FUT1: variants seen among roughly 807,000 people sequenced by gnomAD.
FUT1 encodes the protein galactoside alpha-(1,2)-fucosyltransferase 1.
For missense variants in FUT1, 476 were observed against 492.7 expected (o/e 0.97, Z 0.32); for synonymous variants, 215 against 208.7 (o/e 1.03, Z -0.26).
rs569237891 is a variant in FUT1 at position 48,748,776 on chromosome 19, G to A, written c.*1408C>T. 1.3e-5 allele frequency: 2 copies of A among 152,366 alleles called. No homozygotes were observed. Among genetic ancestry groups the A allele is most frequent in the South Asian group, 4.1e-4 (2 of 4,834 alleles). The allele number at this position is 152,366 out of a possible 1,614,324, so 9.4% of individuals were successfully genotyped here. On this transcript the variant is annotated 3_prime_UTR_variant, in exon 2 of 2. Coordinates refer to ENST00000645652, the MANE Select transcript of FUT1 (RefSeq NM_001384359.1). ...AACAGAGCAAGACGCTGGCCAACTA[G>A]AGATGGTTTGTTTTCCATCTCAATT...
rs2033947974 is a variant in FUT1, at chr19:48,748,898, A to AC, written c.*1285dup. The AC allele has an allele frequency of 6.6e-6, 1 of 152,642 alleles. No homozygotes were observed. Among genetic ancestry groups the AC allele is most frequent in the South Asian group, 1.9e-4 (1 of 5,286 alleles). The allele number at this position is 152,642 out of a possible 1,614,324, so 9.5% of individuals were successfully genotyped here. A position where few individuals can be genotyped will look rare whatever the true frequency, so the allele number is the denominator to read the frequency against. ...CCGGTGTGCTGGCTCACATCTATAA[A>AC]CCCAGCATTCTGGGAGGCCAAGGTG... On this transcript the variant is annotated 3_prime_UTR_variant, in exon 2 of 2. Coordinates refer to ENST00000645652, the MANE Select transcript of FUT1 (RefSeq NM_001384359.1).
chr19:48,754,787 C>T (rs2122568134), upstream of FUT1, among the ~76,000 whole-genome samples: 1 of 152,270 alleles, frequency 6.6e-6, no homozygotes. Flanking sequence ...TCCCCACAGA[C>T]TGACCCTCCC....
chr19:48,752,413 T>G lies in FUT1; in HGVS notation c.-3+77A>C. 2 of 887,560 alleles carry G rather than the reference T, an allele frequency of 2.3e-6. No homozygotes were observed. The highest frequency in any genetic ancestry group is 2.7e-6 in the Non-Finnish European group (2 of 740,954). 55.0% of individuals were successfully genotyped at this position (887,560 alleles called of 1,614,324 possible). ...GCCTTAGGAAGACCTGGAGAAGAGG[T>G]TGGGGGTGCACCTCCTGGTTCTGAA... On this transcript the variant is annotated intron_variant, in intron 1 of 1. Coordinates refer to ENST00000645652, the MANE Select transcript of FUT1 (RefSeq NM_001384359.1). This position sits in a 1 kb window ranked among gnomAD's most constrained non-coding sequence, Gnocchi z 4.3.
At position 48,750,089 on chromosome 19, in the gene FUT1, A is replaced by G; in HGVS notation, c.*95T>C. 2.0e-6 allele frequency: 3 copies of G among 1,476,126 alleles called. No homozygotes were observed. 91.4% of individuals were successfully genotyped at this position (1,476,126 alleles called of 1,614,324 possible). A position where few individuals can be genotyped will look rare whatever the true frequency, so the allele number is the denominator to read the frequency against. On this transcript the variant is annotated 3_prime_UTR_variant, in exon 2 of 2. Transcript: ENST00000645652. ...GATACGGGCACCCATTTGCTTCAGG[A>G]ACACCACAAGCTTCTCCAGAAGATG...
rs202018483 is a variant in FUT1 at position 48,750,483 on chromosome 19, A to G, written c.799T>C (p.Trp267Arg). Residue 267 changes from tryptophan to arginine, a missense_variant, in exon 2 of 2, where the codon TGG (tryptophan) becomes CGG (arginine). Trp to Arg is a moderately radical substitution (Grantham distance 101). Transcript: ENST00000645652. ...VFVVTSNGMEWCKENIDTSQG... is the reference protein window; with the variant it reads ...VFVVTSNGMERCKENIDTSQG... ...GAGGTGTCGATGTTTTCTTTACACC[A>G]CTCCATGCCGTTGCTGGTGACCACG... The G allele has an allele frequency of 1.2e-6, 2 of 1,613,684 alleles. No individual in the cohort carries two copies. The highest frequency in any genetic ancestry group is 2.7e-5 in the African/African-American group (2 of 74,884).
rs1407374729 is a variant in FUT1, at chr19:48,748,331, A to G, written c.*1853T>C. On this transcript the variant is annotated 3_prime_UTR_variant, in exon 2 of 2. Coordinates refer to ENST00000645652, the MANE Select transcript of FUT1 (RefSeq NM_001384359.1). The stretch of plus-strand genomic sequence containing the variant: ...TTATCTCAGACCTGCCCAAAGCCAG[A>G]TGTAGTGGTTCTGGGAGTTCAGGGA... 2.6e-5 allele frequency: 4 copies of G among 152,362 alleles called. No homozygotes were observed. The highest frequency in any genetic ancestry group is 5.9e-5 in the Non-Finnish European group (4 of 68,072). 9.4% of individuals were successfully genotyped at this position (152,362 alleles called of 1,614,324 possible). A position where few individuals can be genotyped will look rare whatever the true frequency, so the allele number is the denominator to read the frequency against.
Position 48,750,666 on chromosome 19 carries a change from G to A in FUT1, c.616C>T (p.Arg206Cys), listed in dbSNP as rs762860495. 2.5e-5 allele frequency: 40 copies of A among 1,612,830 alleles called. No individual in the cohort carries two copies. The highest frequency in any genetic ancestry group is 3.1e-5 in the Non-Finnish European group (37 of 1,179,980). ...AAGGTGCGCGGGCGGTCCCCTGTGC[G>A]GCCCAGGCGGAGCTGACCCAGCACA... ...QSVLGQLRLG[R>C]TGDRPRTFVG... Residue 206 changes from arginine to cysteine, a missense_variant, in exon 2 of 2, where the codon CGC becomes TGC. By Grantham distance (180) the Arg-to-Cys change is radical. Transcript: ENST00000645652.
rs1212773929 is a variant in FUT1 at position 48,752,183 on chromosome 19, C to A, written c.-3+307G>T. ...CTTTCCTGAAGGAATCTCGAGTCTC[C>A]CCTCCTGTAAGTTCCGCTGATACTG... On this transcript the variant is annotated intron_variant, in intron 1 of 1. Coordinates refer to ENST00000645652, the MANE Select transcript of FUT1 (RefSeq NM_001384359.1). The surrounding 1 kb of genome is among the most constrained non-coding windows in gnomAD (Gnocchi z 4.3). Among the ~76,000 whole-genome samples, 2 of 151,756 alleles carry A rather than the reference C, an allele frequency of 1.3e-5. No homozygotes were observed. The highest frequency in any genetic ancestry group is 2.9e-5 in the Non-Finnish European group (2 of 67,976).
rs2122547449 is a variant in FUT1 at position 48,748,677 on chromosome 19, T to C, written c.*1507A>G. The C allele has an allele frequency of 6.6e-6, 1 of 152,416 alleles. No homozygotes were observed. The highest frequency in any genetic ancestry group is 1.9e-4 in the East Asian group (1 of 5,330). 9.4% of individuals were successfully genotyped at this position (152,416 alleles called of 1,614,324 possible). On this transcript the variant is annotated 3_prime_UTR_variant, in exon 2 of 2. Transcript: ENST00000645652. The stretch of plus-strand genomic sequence containing the variant: ...GCTCAAAACAAACAAAAAAAAGTCT[T>C]TGAGGGGCTGTGGGGCTTGTTGGAC...
Position 48,750,841 on chromosome 19 carries a change from G to A in FUT1, c.441C>T (p.His147=), listed in dbSNP as rs754550856. The A allele has an allele frequency of 6.2e-7, 1 of 1,613,798 alleles. No individual in the cohort carries two copies. The highest frequency in any genetic ancestry group is 2.2e-5 in the East Asian group (1 of 44,890). Residue 147 remains histidine, a synonymous_variant, in exon 2 of 2, where the codon CAC becomes CAT. Coordinates refer to ENST00000645652, the MANE Select transcript of FUT1 (RefSeq NM_001384359.1). ...CCGCGTACTCCTCCGACATCCAGTCGTGAAGCTGCAGCTCCCGCCACGGCG... is the reference window on the plus strand; with the variant it reads ...CCGCGTACTCCTCCGACATCCAGTCATGAAGCTGCAGCTCCCGCCACGGCG... ...SRTPWRELQL[H]DWMSEEYADL...
In FUT1 at chr19:48,751,181, T is replaced by C. The variant is rs200808269; in HGVS notation, c.101A>G (p.His34Arg). The change falls in exon 2 of 2, where the codon CAT (histidine) becomes CGT (arginine). Residue 34 changes from histidine to arginine, a missense_variant. Transcript: ENST00000645652. ...FLHIHQDSFPHGLGLSILCPD... is the reference protein window; with the variant it reads ...FLHIHQDSFPRGLGLSILCPD... Reference sequence around the variant, plus strand: ...ACACAGGATCGACAGGCCTAGGCCATGTGGAAAGCTGTCTTGATGGATATG... The same window carrying C: ...ACACAGGATCGACAGGCCTAGGCCACGTGGAAAGCTGTCTTGATGGATATG... The C allele has an allele frequency of 4.8e-5, 77 of 1,614,034 alleles. No homozygotes were observed. Among genetic ancestry groups the C allele is most frequent in the East Asian group, 3.1e-4 (14 of 44,866 alleles).
chr19:48,754,414 C>T (rs908515008), upstream of FUT1, among the ~76,000 whole-genome samples: 2 of 152,104 alleles, frequency 1.3e-5, no homozygotes, highest in Non-Finnish European at 2.9e-5. Flanking sequence ...GATTCCCTTT[C>T]GTGGTCTGCT....
chr19:48,750,207 G>A lies in FUT1; in HGVS notation c.1075C>T (p.Leu359Phe), dbSNP rs2033971475. 1 of 1,610,796 alleles carries A rather than the reference G, an allele frequency of 6.2e-7. No individual in the cohort carries two copies. Among genetic ancestry groups the A allele is most frequent in the South Asian group, 1.1e-5 (1 of 90,556 alleles). The change falls in exon 2 of 2, where the codon CTC becomes TTC. Residue 359 changes from leucine to phenylalanine, a missense_variant. Leu to Phe is a conservative substitution (Grantham distance 22, BLOSUM62 0). Transcript: ENST00000645652. ...WVGINADLSP[L>F]WTLAKP ...TCTCAAGGCTTAGCCAATGTCCAGAGTGGAGACAAGTCTGCATTAATGCCC... is the reference window on the plus strand; with the variant it reads ...TCTCAAGGCTTAGCCAATGTCCAGAATGGAGACAAGTCTGCATTAATGCCC...
chr19:48,750,622 G>C lies in FUT1; in HGVS notation c.660C>G (p.Arg220=). 1.9e-6 allele frequency: 3 copies of C among 1,611,596 alleles called. No individual in the cohort carries two copies. Among genetic ancestry groups the C allele is most frequent in the Non-Finnish European group, 2.5e-6 (3 of 1,179,960 alleles). Residue 220 remains arginine, a synonymous_variant, in exon 2 of 2, where the codon CGC becomes CGG. Transcript: ENST00000645652. ...RPRTFVGVHV[R]RGDYLQVMPQ... Reference sequence around the variant, plus strand: ...GCATAACCTGCAGATAGTCCCCACGGCGCACGTGGACGCCGACAAAGGTGC... The same window carrying C: ...GCATAACCTGCAGATAGTCCCCACGCCGCACGTGGACGCCGACAAAGGTGC...
chr19:48,752,713 G>A (rs373109964), upstream of FUT1: 6 of 985,322 alleles, frequency 6.1e-6, no homozygotes, highest in African/African-American at 5.2e-5. This position sits in a 1 kb window ranked among gnomAD's most constrained non-coding sequence, Gnocchi z 4.3. Context: ...GCCCTCCCGG[G>A]CCGGGCGGAT....
rs1568490582 is a variant in FUT1 at position 48,750,649 on chromosome 19, CG to C, written c.632del (p.Pro211ArgfsTer69). On this transcript the variant is annotated frameshift_variant, in exon 2 of 2. Transcript: ENST00000645652. LOFTEE classifies it low-confidence loss of function (END_TRUNC). ...QLRLGRTGDR[P>X]RTFVGVHVRR... Reference sequence around the variant, plus strand: ...GCACGTGGACGCCGACAAAGGTGCGCGGGCGGTCCCCTGTGCGGCCCAGGCG... The same window carrying C: ...GCACGTGGACGCCGACAAAGGTGCGCGGCGGTCCCCTGTGCGGCCCAGGCG... 1 of 1,612,548 alleles carries C rather than the reference CG, an allele frequency of 6.2e-7. No homozygotes were observed. Among genetic ancestry groups the C allele is most frequent in the South Asian group, 1.1e-5 (1 of 91,084 alleles).
chr19:48,750,721 C>T lies in FUT1; in HGVS notation c.561G>A (p.Leu187=). The T allele has an allele frequency of 6.2e-7, 1 of 1,613,584 alleles. No individual in the cohort carries two copies. Among genetic ancestry groups the T allele is most frequent in the Non-Finnish European group, 8.5e-7 (1 of 1,179,984 alleles). ...LREQIRREFT[L]HDHLREEAQS... ...GCGCCTCTTCCCGAAGGTGGTCGTG[C>T]AGGGTGAACTCTCTGCGGATCTGTT... Residue 187 remains leucine, a synonymous_variant, in exon 2 of 2, where the codon CTG becomes CTA. Coordinates refer to ENST00000645652, the MANE Select transcript of FUT1 (RefSeq NM_001384359.1).
At chr19:48,751,346 G>T in intron 1 of FUT1, 63 bp from the exon 2 acceptor site, 1 of 1,579,052 alleles carries the variant, frequency 6.3e-7, no homozygotes, top group African/African-American at 1.3e-5. Flanking sequence ...GCTGAGGAGG[G>T]ATGTGGGGTA....
chr19:48,751,204 A>T lies in FUT1; in HGVS notation c.78T>A (p.His26Gln). The T allele has an allele frequency of 1.2e-6, 2 of 1,614,174 alleles. No homozygotes were observed. Among genetic ancestry groups the T allele is most frequent in the Admixed American group, 1.7e-5 (1 of 60,014 alleles). The change falls in exon 2 of 2, where the codon CAT becomes CAA. Residue 26 changes from histidine (H) to glutamine (Q), a missense_variant. By Grantham distance (24) the His-to-Gln change is conservative. Transcript: ENST00000645652. ...CATGTGGAAAGCTGTCTTGATGGAT[A>T]TGGAGGAAGAAGATTACAGAGAGGA... ...VCVLSVIFFL[H>Q]IHQDSFPHGL... is the part of the protein sequence containing the mutation.
Sources: allele counts gnomAD v4.1 joint callset (sites outside exome capture counted in the v4.1 genomes callset), GRCh38; gene constraint gnomAD v4.1.1; non-coding constraint Gnocchi (gnomAD v3.1); transcripts MANE v1.5; gene names NCBI Gene and HGNC (gene_info 2026-07-23, HGNC 2026-07-21).